The following PARD3B variants were observed in gnomAD, a reference collection of about 807,000 sequenced individuals.
The protein encoded by PARD3B is par-3 family cell polarity regulator beta.
PARD3B carries 103 observed loss-of-function variants against 130.2 expected under a neutral mutation model. The observed-to-expected ratio is 0.79, with a 90% CI of 0.67 to 0.93. PARD3B has a LOEUF of 0.93. PARD3B is among the 40% of genes least tolerant of loss of function. The probability of loss-of-function intolerance (pLI) is 0.00; values close to 1 mark genes in which losing one functional copy is unlikely to be tolerated. For missense variants in PARD3B, 1,609 were observed against 1,499.2 expected (o/e 1.07, Z -1.21); for synonymous variants, 583 against 553.2 (o/e 1.05, Z -0.76).
chr2:204,998,827 C>CCT (rs1030959146), intron 3 of PARD3B, among the ~76,000 whole-genome samples: 2 of 152,074 alleles, frequency 1.3e-5, no homozygotes, highest in Non-Finnish European at 2.9e-5. Context: ...GATTCTCCTG[C>CCT]CTCAGCCTCC....
At chr2:205,363,546 G>C (rs80034745) in intron 18 of PARD3B, among the ~76,000 whole-genome samples, 2 of 152,164 alleles carry the variant, frequency 1.3e-5, no homozygotes, top group Admixed American at 6.5e-5. Context: ...AGGCAAAGGG[G>C]TATAATTGAA....
At chr2:204,676,136 G>A (rs2036529087) in intron 1 of PARD3B, among the ~76,000 whole-genome samples, 1 of 151,432 alleles carries the variant, frequency 6.6e-6, no homozygotes, top group South Asian at 2.1e-4. Context: ...GGGTGGTAAT[G>A]AGGGGAAGGT....
intron 20 of PARD3B, among the ~76,000 whole-genome samples, chr2:205,490,615 A>G (rs573896214): frequency 6.8e-4 from 103 of 152,280 alleles, no homozygotes; most frequent in Middle Eastern, 3.4e-3. Context: ...ATAATCCTTC[A>G]GGTATATACC....
chr2:205,102,704 A>T (rs1357814705), intron 4 of PARD3B, among the ~76,000 whole-genome samples: 2 of 152,196 alleles, frequency 1.3e-5, no homozygotes, highest in Non-Finnish European at 2.9e-5. Context: ...TAAAAGTGAG[A>T]GACATTTTTT....
At chr2:205,043,192 T>C (rs761690891) in intron 3 of PARD3B, among the ~76,000 whole-genome samples, 1 of 152,190 alleles carries the variant, frequency 6.6e-6, no homozygotes, top group Admixed American at 6.6e-5. Flanking sequence ...GGTTAGATTT[T>C]ATTATTTTAA....
intron 3 of PARD3B, among the ~76,000 whole-genome samples, chr2:204,974,950 A>G (rs548989328): frequency 6.6e-6 from 1 of 152,332 alleles, no homozygotes; most frequent in South Asian, 2.1e-4. Flanking sequence ...ATTCATTCCC[A>G]AGTAGCTTGC....
intron 3 of PARD3B, among the ~76,000 whole-genome samples, chr2:204,997,182 A>G (rs1291604951): frequency 1.3e-5 from 2 of 152,202 alleles, no homozygotes; most frequent in Non-Finnish European, 2.9e-5. Flanking sequence ...CTGTCAGGGT[A>G]GGTTCCTGTG....
chr2:205,007,893 T>A (rs1281354567), intron 3 of PARD3B, among the ~76,000 whole-genome samples: 1 of 152,196 alleles, frequency 6.6e-6, no homozygotes, highest in Non-Finnish European at 1.5e-5. Context: ...GTTTTCCTTG[T>A]AGATATCTTT....
In PARD3B at chr2:205,589,490, T is replaced by C. The variant is rs1301801235; in HGVS notation, c.3261-25966T>C. 6.6e-6 allele frequency among the ~76,000 whole-genome samples: 1 copy of C among 152,164 alleles called. No homozygotes were observed. ...AGAGATGCAGACAGAGATGAGGAAC[T>C]AATCAAGGTGCATGTTTCTGTGTCT... On this transcript the variant is annotated intron_variant, in intron 22 of 22. Coordinates refer to ENST00000406610, the MANE Select transcript of PARD3B (RefSeq NM_001302769.2). This position sits in a 1 kb window ranked among gnomAD's most constrained non-coding sequence, Gnocchi z 4.1.
intron 2 of PARD3B, among the ~76,000 whole-genome samples, chr2:204,912,692 A>C (rs2047285766): frequency 6.6e-6 from 1 of 152,222 alleles, no homozygotes; most frequent in Non-Finnish European, 1.5e-5. Flanking sequence ...ATTGTTAAGC[A>C]ACAAAGGAAA....
At chr2:204,789,725 C>A (rs1035091348) in intron 2 of PARD3B, among the ~76,000 whole-genome samples, 1 of 152,076 alleles carries the variant, frequency 6.6e-6, no homozygotes, top group Non-Finnish European at 1.5e-5. Context: ...TAGTCTGTTA[C>A]ATTATTCTTG....
In PARD3B at chr2:205,268,951, G is replaced by T. The variant is rs557822647; in HGVS notation, c.2185+23129G>T. ...AAAAGAGTATAGTCTTGAATAAAAG[G>T]TGTACCCAAGTATGAATAAAATAAG... On this transcript the variant is annotated intron_variant, in intron 16 of 22. Coordinates refer to ENST00000406610, the MANE Select transcript of PARD3B (RefSeq NM_001302769.2). The surrounding 1 kb of genome is among the most constrained non-coding windows in gnomAD (Gnocchi z 4.1). 1.2e-3 allele frequency among the ~76,000 whole-genome samples: 182 copies of T among 152,226 alleles called. 1 individual carries two copies. The highest frequency in any genetic ancestry group is 4.1e-3 in the African/African-American group (172 of 41,550).
intron 16 of PARD3B, among the ~76,000 whole-genome samples, chr2:205,266,810 T>C (rs2105783924): frequency 6.6e-6 from 1 of 152,284 alleles, no homozygotes; most frequent in Non-Finnish European, 1.5e-5. Flanking sequence ...ATGGTGGTGT[T>C]CTTTTTGTTG....
In PARD3B at chr2:205,404,940, A is replaced by G. The variant is rs182716432; in HGVS notation, c.2741+3817A>G. ...AATTTCCTTGTAATCATTTTACCCT[A>G]GGATTGATCTAACCTCAATTCTAAA... On this transcript the variant is annotated intron_variant, in intron 19 of 22. Transcript: ENST00000406610. Among the ~76,000 whole-genome samples, 4 of 152,350 alleles carry G rather than the reference A, an allele frequency of 2.6e-5. No individual in the cohort carries two copies. In the East Asian group the frequency reaches 7.7e-4, roughly 29 times the overall value.
chr2:205,477,386 T>C (rs1264086426), intron 20 of PARD3B, among the ~76,000 whole-genome samples: 3 of 152,126 alleles, frequency 2.0e-5, no homozygotes, highest in African/African-American at 7.2e-5. Flanking sequence ...CTAGTTGCTG[T>C]CTCCCACAAA....
intron 22 of PARD3B, among the ~76,000 whole-genome samples, chr2:205,607,003 T>C (rs1476411305): frequency 6.6e-6 from 1 of 152,124 alleles, no homozygotes; most frequent in East Asian, 1.9e-4. Context: ...CTCAATTGAT[T>C]CTTAGTGATG....
At chr2:204,944,670 A>G (rs1241752282) in intron 2 of PARD3B, among the ~76,000 whole-genome samples, 2 of 152,242 alleles carry the variant, frequency 1.3e-5, no homozygotes, top group Non-Finnish European at 2.9e-5. Context: ...AGTTACTTTT[A>G]ACTTAAAAAT....
intron 16 of PARD3B, among the ~76,000 whole-genome samples, chr2:205,282,018 AT>A (rs1037975379): frequency 6.6e-6 from 1 of 152,114 alleles, no homozygotes; most frequent in Admixed American, 6.5e-5. Flanking sequence ...TAAACAAATA[AT>A]TTTTTTCAAC....
At chr2:205,156,169 A>G (rs2034118427) in intron 10 of PARD3B, among the ~76,000 whole-genome samples, 1 of 150,182 alleles carries the variant, frequency 6.7e-6, no homozygotes, top group Admixed American at 6.7e-5. Context: ...AGGACAAAAA[A>G]CCAAACACCA....
Sources: gnomAD v4.1 joint callset for allele counts (sites outside exome capture counted in the v4.1 genomes callset) on GRCh38, gnomAD v4.1.1 for gene constraint, Gnocchi (gnomAD v3.1) non-coding constraint, MANE v1.5 for transcripts, NCBI Gene and HGNC (gene_info 2026-07-23, HGNC 2026-07-21) for gene names.